The following PSPC1 variants were observed in gnomAD, a reference collection of about 807,000 sequenced individuals.
PSPC1 encodes the protein paraspeckle protein 1.
A neutral mutation model predicts 51.6 loss-of-function variants in PSPC1; 14 were observed. That is an observed-to-expected ratio of 0.27 (90% CI 0.18 to 0.42). The LOEUF is 0.42. Among genes scored for constraint, PSPC1 ranks in the 10% least tolerant of loss-of-function variants. PSPC1 has a pLI of 1.00. For synonymous variants in PSPC1, 193 were observed against 231.9 expected, an observed-to-expected ratio of 0.83 and a Z score of 1.53; for missense variants, 406 against 701.1, an observed-to-expected ratio of 0.58 and a Z score of 4.75.
chr13:19,704,105 C>T (rs1565975272), intron 8 of PSPC1, among the ~76,000 whole-genome samples: 1 of 152,242 alleles, frequency 6.6e-6, no homozygotes, highest in Non-Finnish European at 1.5e-5. Context: ...ATAAAGTTTA[C>T]AATTTCAGGG....
intron 4 of PSPC1, among the ~76,000 whole-genome samples, chr13:19,746,637 G>C (rs1886019726): frequency 6.6e-6 from 1 of 152,106 alleles, no homozygotes; most frequent in Non-Finnish European, 1.5e-5. Context: ...GGAACCGGAG[G>C]TTGTAGTGAG....
downstream of PSPC1, chr13:19,672,125 A>C (rs540452593): frequency 1.1e-4 from 47 of 435,558 alleles, no homozygotes; most frequent in African/African-American, 9.3e-4. Context: ...TATGAGGATT[A>C]TTTAAGAAAA....
chr13:19,686,892 A>C (rs1877946620), intron 6 of PSPC1, among the ~76,000 whole-genome samples: 1 of 152,142 alleles, frequency 6.6e-6, no homozygotes, highest in African/African-American at 2.4e-5. Flanking sequence ...CCACTGACCA[A>C]GTATGAATAT....
rs907860362 is a variant in PSPC1 at position 19,772,481 on chromosome 13, T to C, written c.435A>G (p.Arg145=). ...GTGTAGCGAAGCGAATCCGTAGAGG[T>C]CTGCTCTTGAGAATGGTGCCGTCCA... is the stretch of plus-strand genomic sequence containing the variant. ...AELDGTILKS[R]PLRIRFATHG... is the part of the protein sequence containing the mutation. The change falls in exon 2 of 9, where the codon AGA becomes AGG. Residue 145 remains arginine, a synonymous_variant. Transcript: ENST00000338910. The C allele has an allele frequency of 1.3e-5, 21 of 1,614,182 alleles. No homozygotes were observed. Among genetic ancestry groups the C allele is most frequent in the Non-Finnish European group, 1.7e-5 (20 of 1,180,040 alleles).
chr13:19,722,866 T>C (rs2137867219), intron 6 of PSPC1, among the ~76,000 whole-genome samples: 1 of 152,102 alleles, frequency 6.6e-6, no homozygotes, highest in East Asian at 1.9e-4. Flanking sequence ...TCCCAGCACT[T>C]TGGGAGGCCA....
intron 6 of PSPC1, among the ~76,000 whole-genome samples, chr13:19,729,991 GT>G (rs566321957): frequency 1.3e-5 from 2 of 152,012 alleles, no homozygotes; most frequent in Non-Finnish European, 2.9e-5. Context: ...AATAGCATAT[GT>G]TTTTTTAAAG....
intron 6 of PSPC1, among the ~76,000 whole-genome samples, chr13:19,697,323 A>C (rs942529214): frequency 6.6e-6 from 1 of 152,150 alleles, no homozygotes; most frequent in African/African-American, 2.4e-5. Flanking sequence ...AAGTGTGAGA[A>C]CCACTAACTT....
intron 6 of PSPC1, among the ~76,000 whole-genome samples, chr13:19,710,109 C>T (rs1001890272): frequency 4.0e-5 from 6 of 151,480 alleles, no homozygotes; most frequent in Admixed American, 6.6e-5. Flanking sequence ...ATAATTCATT[C>T]ATGTATTTGT....
intron 4 of PSPC1, among the ~76,000 whole-genome samples, chr13:19,742,982 CA>C (rs1885589320): frequency 2.6e-5 from 4 of 152,064 alleles, no homozygotes; most frequent in Non-Finnish European, 5.9e-5. Context: ...CTGATATAAA[CA>C]AGACTTTTCA....
chr13:19,743,315 A>G (rs1885621280), intron 4 of PSPC1, among the ~76,000 whole-genome samples: 1 of 152,182 alleles, frequency 6.6e-6, no homozygotes, highest in African/African-American at 2.4e-5. Context: ...GTTTCTTAAT[A>G]AACACCTGTA....
At chr13:19,752,114 G>A (rs1886617180) in intron 3 of PSPC1, among the ~76,000 whole-genome samples, 1 of 152,156 alleles carries the variant, frequency 6.6e-6, no homozygotes, top group Non-Finnish European at 1.5e-5. Flanking sequence ...TGAATTAACT[G>A]TCTGGATCAG....
chr13:19,749,631 G>A (rs976073380), intron 4 of PSPC1, among the ~76,000 whole-genome samples: 2 of 127,762 alleles, frequency 1.6e-5, no homozygotes, highest in Non-Finnish European at 3.2e-5. Flanking sequence ...ATAAAAGACA[G>A]TTTATCTTTT....
intron 6 of PSPC1, among the ~76,000 whole-genome samples, chr13:19,721,728 C>T (rs1174226183): frequency 6.6e-6 from 1 of 152,160 alleles, no homozygotes; most frequent in Non-Finnish European, 1.5e-5. Flanking sequence ...AAACAGTGAA[C>T]AAATTTTTCT....
At chr13:19,742,922 C>CAAA (rs1264133988) in intron 4 of PSPC1, among the ~76,000 whole-genome samples, 3 of 834 alleles carry the variant, frequency 3.6e-3, no homozygotes, top group Non-Finnish European at 0.01. Context: ...CAATGTCTTA[C>CAAA]GAAGAAGAGT....
intron 6 of PSPC1, among the ~76,000 whole-genome samples, chr13:19,713,309 A>C (rs1881669976): frequency 6.6e-6 from 1 of 152,170 alleles, no homozygotes; most frequent in African/African-American, 2.4e-5. Flanking sequence ...CCTATGATGA[A>C]AACTCAGTTT....
intron 5 of PSPC1, among the ~76,000 whole-genome samples, chr13:19,734,931 T>C (rs1163129260): frequency 1.4e-5 from 2 of 145,574 alleles, no homozygotes; most frequent in African/African-American, 5.1e-5. Flanking sequence ...TGAGCCGAGA[T>C]CACACCACTG....
intron 5 of PSPC1, among the ~76,000 whole-genome samples, chr13:19,740,072 G>A (rs1356659466): frequency 3.9e-5 from 6 of 152,014 alleles, no homozygotes; most frequent in South Asian, 4.2e-4. Context: ...GGCCGGGCAC[G>A]GTGGCTCACG....
At chr13:19,726,595 T>C (rs1883380281) in intron 6 of PSPC1, among the ~76,000 whole-genome samples, 1 of 152,198 alleles carries the variant, frequency 6.6e-6, no homozygotes, top group African/African-American at 2.4e-5. Context: ...CTTGAGTGTT[T>C]ATTACGTACA....
intron 6 of PSPC1, among the ~76,000 whole-genome samples, chr13:19,697,349 G>A (rs373225079): frequency 5.9e-5 from 9 of 152,238 alleles, no homozygotes; most frequent in African/African-American, 2.2e-4. Flanking sequence ...GGATGTCTGT[G>A]GCTGCTGTCC....
Sources: gnomAD v4.1 joint callset for allele counts (sites outside exome capture counted in the v4.1 genomes callset) on GRCh38, gnomAD v4.1.1 for gene constraint, MANE v1.5 for transcripts, NCBI Gene and HGNC (gene_info 2026-07-23, HGNC 2026-07-21) for gene names.